Variants in IL23R observed in about 807,000 individuals in gnomAD.
IL23R encodes the protein interleukin-23 receptor.
A neutral mutation model predicts 56.9 loss-of-function variants in IL23R; 34 were observed. That is an observed-to-expected ratio of 0.60 (90% CI 0.45 to 0.80). The LOEUF is 0.80. Ranked by LOEUF, IL23R falls within the 30% of genes least tolerant of loss-of-function variation. IL23R has a pLI of 0.00. For synonymous variants in IL23R, 230 were observed against 249.2 expected (o/e 0.92, Z 0.73); for missense variants, 635 against 730.0 (o/e 0.87, Z 1.50).
intron 1 of IL23R, among the ~76,000 whole-genome samples, chr1:67,153,818 T>G (rs1312156780): frequency 6.6e-6 from 1 of 152,010 alleles, no homozygotes; most frequent in Non-Finnish European, 1.5e-5. Context: ...CAGGCTGGAG[T>G]GCAGTGGCGC....
intron 3 of IL23R, among the ~76,000 whole-genome samples, chr1:67,173,228 C>A (rs963545471): frequency 2.0e-5 from 3 of 152,188 alleles, no homozygotes; most frequent in Middle Eastern, 3.2e-3. Flanking sequence ...TTATCATAAG[C>A]ATACTCACAG....
chr1:67,155,882 G>C (rs1646766421), intron 1 of IL23R, among the ~76,000 whole-genome samples: 1 of 152,162 alleles, frequency 6.6e-6, no homozygotes, highest in African/African-American at 2.4e-5. Flanking sequence ...TCTGGCTTTT[G>C]GAAGAGTCAG....
intron 4 of IL23R, among the ~76,000 whole-genome samples, chr1:67,198,142 G>A (rs925626183): frequency 5.3e-5 from 8 of 152,134 alleles, no homozygotes; most frequent in African/African-American, 1.7e-4. Flanking sequence ...ACTGCCAGGA[G>A]GGCAGCAAGC....
chr1:67,168,928 G>A (rs2102555029), intron 2 of IL23R, among the ~76,000 whole-genome samples: 1 of 152,194 alleles, frequency 6.6e-6, no homozygotes, highest in Non-Finnish European at 1.5e-5. Flanking sequence ...GGGAGGCCGA[G>A]GCGGGTGGAT....
intron 1 of IL23R, among the ~76,000 whole-genome samples, chr1:67,143,085 C>T (rs1354343238): frequency 6.6e-6 from 1 of 152,006 alleles, no homozygotes; most frequent in African/African-American, 2.4e-5. Flanking sequence ...AAGATCTTTC[C>T]ACTTCCTCTC....
chr1:67,176,461 T>G (rs1417363298), intron 3 of IL23R, among the ~76,000 whole-genome samples: 2 of 152,032 alleles, frequency 1.3e-5, no homozygotes, highest in Non-Finnish European at 2.9e-5. Context: ...TTTTTATTCT[T>G]CCATTACAAA....
chr1:67,161,312 G>GT (rs1646817267), intron 1 of IL23R, among the ~76,000 whole-genome samples: 1 of 151,988 alleles, frequency 6.6e-6, no homozygotes, highest in Non-Finnish European at 1.5e-5. Context: ...TTTCCTTGAA[G>GT]TTTTTCTTGT....
At chr1:67,175,892 A>G (rs747316648) in intron 3 of IL23R, among the ~76,000 whole-genome samples, 5 of 152,266 alleles carry the variant, frequency 3.3e-5, no homozygotes, top group Non-Finnish European at 7.4e-5. Context: ...TGTCTTGGTC[A>G]TAGCTCACTG....
intron 4 of IL23R, among the ~76,000 whole-genome samples, chr1:67,183,873 G>A (rs906625856): frequency 6.6e-6 from 1 of 152,190 alleles, no homozygotes. Context: ...AACCTGGAAA[G>A]TTGTGGGCAA....
chr1:67,238,706 T>G (rs905544896), intron 8 of IL23R, among the ~76,000 whole-genome samples: 2 of 152,200 alleles, frequency 1.3e-5, no homozygotes, highest in Non-Finnish European at 2.9e-5. Flanking sequence ...TAGACCCCTT[T>G]GCCGAGCACT....
chr1:67,234,389 A>G (rs1455785829), intron 7 of IL23R, among the ~76,000 whole-genome samples: 1 of 152,204 alleles, frequency 6.6e-6, no homozygotes, highest in Non-Finnish European at 1.5e-5. Flanking sequence ...AACTATGATA[A>G]CAAATAGACT....
chr1:67,205,523 G>C (rs1281478229), intron 5 of IL23R, among the ~76,000 whole-genome samples: 1 of 152,186 alleles, frequency 6.6e-6, no homozygotes, highest in African/African-American at 2.4e-5. Flanking sequence ...GAAATGGAAA[G>C]TGTTAATGAT....
At chr1:67,232,870 TGTGATA>T (rs1336927349) in intron 7 of IL23R, among the ~76,000 whole-genome samples, 1 of 151,950 alleles carries the variant, frequency 6.6e-6, no homozygotes, top group East Asian at 1.9e-4. Flanking sequence ...ATGCTGTTCT[TGTGATA>T]GTAAGTTCTC....
chr1:67,212,202 C>T (rs1649525872), intron 6 of IL23R, among the ~76,000 whole-genome samples: 1 of 152,164 alleles, frequency 6.6e-6, no homozygotes, highest in Non-Finnish European at 1.5e-5. Context: ...ACCACTAACA[C>T]AGAAAAAGTG....
chr1:67,170,556 C>G (rs1022320320), intron 3 of IL23R, among the ~76,000 whole-genome samples: 26 of 152,132 alleles, frequency 1.7e-4, no homozygotes, highest in Non-Finnish European at 3.4e-4. Context: ...GTGATATGGG[C>G]TGGCTCGTAT....
rs542577613 is a variant in IL23R, at chr1:67,156,204, G to A, written c.-633-11888G>A. Among the ~76,000 whole-genome samples, 37 of 152,274 alleles carry A rather than the reference G, an allele frequency of 2.4e-4. No homozygotes were observed. In the South Asian group the frequency reaches 7.3e-3, roughly 30 times the overall value. ...GGGCACCAGCCTGATGCCAGCCAGA[G>A]CTCTCCTGTATGAGGTGTCTGTCGA... is the stretch of plus-strand genomic sequence containing the variant. On this transcript the variant is annotated intron_variant, in intron 1 of 10. Coordinates refer to the IL23R transcript ENST00000637002.
At chr1:67,239,834 T>C (rs1291658865) in intron 8 of IL23R, among the ~76,000 whole-genome samples, 2 of 152,148 alleles carry the variant, frequency 1.3e-5, no homozygotes, top group Non-Finnish European at 2.9e-5. Flanking sequence ...TTACAGCAAT[T>C]GGGAATTCTC....
rs993400954 is a variant in IL23R at position 67,166,978 on chromosome 1, A to G, written c.-30+437A>G. 3.9e-5 allele frequency among the ~76,000 whole-genome samples: 6 copies of G among 152,354 alleles called. No individual in the cohort carries two copies. In the South Asian group the frequency reaches 1.2e-3, roughly 32 times the overall value. ...CTGAATAATGTTGATCATTGAGTAA[A>G]TGAGTTAATTCATGTAACTGATTAA... is the stretch of plus-strand genomic sequence containing the variant. On this transcript the variant is annotated intron_variant, in intron 1 of 10. Transcript: ENST00000347310.
chr1:67,264,505 C>T (rs1376314233), downstream of IL23R, among the ~76,000 whole-genome samples: 2 of 152,144 alleles, frequency 1.3e-5, no homozygotes, highest in Admixed American at 1.3e-4. Context: ...TTATGAATCT[C>T]TCTTGGGTAA....
Sources: allele counts gnomAD v4.1 joint callset (sites outside exome capture counted in the v4.1 genomes callset), GRCh38; gene constraint gnomAD v4.1.1; transcripts MANE v1.5; gene names NCBI Gene and HGNC (gene_info 2026-07-23, HGNC 2026-07-21).